DOCK8: variants seen among roughly 807,000 people sequenced by gnomAD.
DOCK8 encodes dedicator of cytokinesis 8.
DOCK8 carries 141 observed loss-of-function variants against 245.6 expected under a neutral mutation model. The observed-to-expected ratio is 0.57, with a 90% confidence interval of 0.50 to 0.66. The LOEUF is 0.66. Ranked by LOEUF, DOCK8 falls within the 30% of genes least tolerant of loss-of-function variation. The pLI, the probability that DOCK8 is intolerant of heterozygous loss-of-function variation, is 0.00. For synonymous variants in DOCK8, 1,168 were observed against 970.2 expected (o/e 1.20, Z -3.79); for missense variants, 2,965 against 2,603.4 (o/e 1.14, Z -3.02).
chr9:441,649 A>G (rs144468661), intron 41 of DOCK8, among the ~76,000 whole-genome samples: 10 of 152,350 alleles, frequency 6.6e-5, no homozygotes, highest in African/African-American at 2.2e-4. Flanking sequence ...AGAAATTTTT[A>G]AGTGTAATTA....
At chr9:408,203 G>T (rs1372908882) in intron 28 of DOCK8, among the ~76,000 whole-genome samples, 2 of 152,198 alleles carry the variant, frequency 1.3e-5, no homozygotes, top group African/African-American at 4.8e-5. Flanking sequence ...TTACAATTTA[G>T]TGAAGGAAAC....
At chr9:361,378 G>A (rs146093250) in intron 14 of DOCK8, among the ~76,000 whole-genome samples, 332 of 152,286 alleles carry the variant, frequency 2.2e-3, no homozygotes, top group African/African-American at 7.6e-3. Flanking sequence ...GTTTAAAGTT[G>A]CATTTTAAAA....
At chr9:429,276 C>G (rs942367461) in intron 35 of DOCK8, among the ~76,000 whole-genome samples, 1 of 152,188 alleles carries the variant, frequency 6.6e-6, no homozygotes, top group Non-Finnish European at 1.5e-5. Flanking sequence ...CTATTTTTCC[C>G]TTTATTGAAG....
rs66468610 is a variant in DOCK8, at chr9:365,909, C to T, written c.1680-2109C>T. The T allele has an allele frequency of 8.5e-3, 2,644 of 311,454 alleles. 69 individuals carry two copies. The highest frequency in any genetic ancestry group is 0.052 in the African/African-American group (2,375 of 46,036). 19.3% of individuals were successfully genotyped at this position (311,454 alleles called of 1,614,324 possible). A position where few individuals can be genotyped will look rare whatever the true frequency, so the allele number is the denominator to read the frequency against. On this transcript the variant is annotated intron_variant, in intron 14 of 47. Transcript: ENST00000432829. ...CTTCCATCATCATTTACTATATCCA[C>T]GTCCACTCCTGACAGCATCAGTGGC... is the stretch of plus-strand genomic sequence containing the variant.
At chr9:427,051 T>C in intron 34 of DOCK8, 70 bp downstream of exon 34, 2 of 1,322,272 alleles carry the variant, frequency 1.5e-6, no homozygotes, top group Non-Finnish European at 2.2e-6. Context: ...GACTTCTTTA[T>C]GCAAAATTGT....
At chr9:439,421 C>T in intron 40 of DOCK8, 33 bp downstream of exon 40, 5 of 1,608,984 alleles carry the variant, frequency 3.1e-6, no homozygotes, top group Non-Finnish European at 4.2e-6. Context: ...GGGGCCTGGC[C>T]TCCCATACTC....
At chr9:226,305 T>G (rs746300918) in intron 1 of DOCK8, among the ~76,000 whole-genome samples, 5 of 152,120 alleles carry the variant, frequency 3.3e-5, no homozygotes, top group Non-Finnish European at 7.3e-5. Context: ...AAAACCTGCC[T>G]CCATGATTCA....
At chr9:439,837 A>G (rs906315094) in intron 40 of DOCK8, among the ~76,000 whole-genome samples, 4 of 152,120 alleles carry the variant, frequency 2.6e-5, no homozygotes. Context: ...CCTCCTAGCC[A>G]CTGTGCAGTC....
At chr9:301,461 C>T (rs1266353150) in intron 4 of DOCK8, among the ~76,000 whole-genome samples, 1 of 152,196 alleles carries the variant, frequency 6.6e-6, no homozygotes, top group Non-Finnish European at 1.5e-5. Flanking sequence ...ACTCTCACCA[C>T]TTATATCAAC....
At chr9:451,507 C>T (rs903342749) in intron 45 of DOCK8, among the ~76,000 whole-genome samples, 1 of 151,958 alleles carries the variant, frequency 6.6e-6, no homozygotes, top group Non-Finnish European at 1.5e-5. Context: ...CCTGTAGTCT[C>T]AGCTACTTGG....
rs745878222 is a variant in DOCK8 at position 407,104 on chromosome 9, C to CA, written c.3530+42dup. On this transcript the variant is annotated intron_variant, in intron 28 of 47. Transcript: ENST00000432829. The stretch of plus-strand genomic sequence containing the variant: ...TGGCATTTAAAATGGAAGATGAAGC[C>CA]AAAAAAACAGATGTTCTTTAATAAA... 1.4e-5 allele frequency: 22 copies of CA among 1,613,104 alleles called. No individual in the cohort carries two copies. The South Asian group carries it at 1.8e-4, about 13-fold the overall frequency.
At chr9:388,856 CTG>C (rs1230405246) in intron 23 of DOCK8, among the ~76,000 whole-genome samples, 1 of 152,100 alleles carries the variant, frequency 6.6e-6, no homozygotes, top group Non-Finnish European at 1.5e-5. Flanking sequence ...ACCTAGCCCT[CTG>C]TGGATAATTT....
chr9:327,392 C>CT (rs548852247), intron 8 of DOCK8, among the ~76,000 whole-genome samples: 6,147 of 131,732 alleles, frequency 0.047, 391 homozygotes, highest in African/African-American at 0.13. Flanking sequence ...TTTCCCTCAC[C>CT]TTTTTTTTTT....
In DOCK8 at chr9:412,779, C is replaced by A. The variant is rs146863763; in HGVS notation, c.3531-2003C>A. ...AAAGATATAAATAAATGGAGGATAT[C>A]ATATGTTCATGAATCAGAAGACTTA... On this transcript the variant is annotated intron_variant, in intron 28 of 47. Transcript: ENST00000432829. 8.9e-3 allele frequency among the ~76,000 whole-genome samples: 1,345 copies of A among 151,492 alleles called. 13 individuals carry two copies. Among genetic ancestry groups the A allele is most frequent in the African/African-American group, 0.03 (1,243 of 41,336 alleles).
chr9:403,945 T>TATATATAC (rs1564021505), intron 26 of DOCK8, among the ~76,000 whole-genome samples: 16 of 85,244 alleles, frequency 1.9e-4, no homozygotes, highest in African/African-American at 1.3e-3. Context: ...TATATATATG[T>TATATATAC]GTATATATAT....
intron 1 of DOCK8, among the ~76,000 whole-genome samples, chr9:234,054 T>G (rs1478448449): frequency 6.6e-6 from 1 of 152,174 alleles, no homozygotes; most frequent in Non-Finnish European, 1.5e-5. Context: ...CTTTCCATGT[T>G]TGGTGCTTCC....
intron 26 of DOCK8, among the ~76,000 whole-genome samples, chr9:401,286 A>C (rs2055087876): frequency 1.3e-5 from 2 of 152,250 alleles, no homozygotes; most frequent in African/African-American, 4.8e-5. Context: ...TTCATTGAGC[A>C]GCACTTGGAC....
intron 33 of DOCK8, among the ~76,000 whole-genome samples, chr9:423,998 A>G (rs569782849): frequency 1.3e-4 from 19 of 151,400 alleles, no homozygotes; most frequent in African/African-American, 4.4e-4. Context: ...GCCCTGCGCT[A>G]CCTGGTGGGC....
intron 4 of DOCK8, among the ~76,000 whole-genome samples, chr9:302,641 G>C (rs1422091648): frequency 6.6e-6 from 1 of 152,078 alleles, no homozygotes. Context: ...AAGGAACTTA[G>C]ATAATTCAAC....
Sources: allele counts gnomAD v4.1 joint callset (sites outside exome capture counted in the v4.1 genomes callset), GRCh38; gene constraint gnomAD v4.1.1; transcripts MANE v1.5; gene names NCBI Gene and HGNC (gene_info 2026-07-23, HGNC 2026-07-21).